NXPE3: variants seen among roughly 807,000 people sequenced by gnomAD.
NXPE3 encodes the protein neurexophilin and PC-esterase domain family member 3, also known as NXPE family member 3.
A neutral mutation model predicts 46.1 loss-of-function variants in NXPE3; 26 were observed. The observed-to-expected ratio is 0.56, with a 90% CI of 0.41 to 0.78. The LOEUF is 0.78. NXPE3 is among the 30% of genes least tolerant of loss of function. NXPE3 has a pLI of 0.00. For synonymous variants in NXPE3, 272 were observed against 257.9 expected (o/e 1.05, Z -0.52); for missense variants, 620 against 686.0 (o/e 0.90, Z 1.07).
At position 101,821,983 on chromosome 3, in the gene NXPE3, T is replaced by C; in HGVS notation, c.*29T>C. On this transcript the variant is annotated 3_prime_UTR_variant, in exon 8 of 8. Transcript: ENST00000273347. Reference sequence around the variant, plus strand: ...GTCTTGGAAGGGACTGGAGGAATCATATTCAATGACCTTCTCAATTGACCT... The same window carrying C: ...GTCTTGGAAGGGACTGGAGGAATCACATTCAATGACCTTCTCAATTGACCT... 1 of 1,591,224 alleles carries C rather than the reference T, an allele frequency of 6.3e-7. No homozygotes were observed. Among genetic ancestry groups the C allele is most frequent in the East Asian group, 2.2e-5 (1 of 44,540 alleles).
intron 6 of NXPE3, among the ~76,000 whole-genome samples, chr3:101,812,811 C>CAAAAAAAAAA (rs57029374): frequency 1.7e-5 from 1 of 58,716 alleles, no homozygotes; most frequent in Non-Finnish European, 3.0e-5. Context: ...GACTCCGTCT[C>CAAAAAAAAAA]AAAAAAAAAA....
intron 4 of NXPE3, among the ~76,000 whole-genome samples, chr3:101,793,627 CTTTTTTTTTTTTTTT>C: frequency 1.0e-4 from 2 of 19,408 alleles, no homozygotes; most frequent in Non-Finnish European, 1.9e-4. Context: ...TTGACAAGGT[CTTTTTTTTTTTTTTT>C]TTTTTTTTTT....
chr3:101,820,116 A>C (rs1272370322), intron 7 of NXPE3, among the ~76,000 whole-genome samples: 5 of 152,154 alleles, frequency 3.3e-5, no homozygotes. Context: ...ATATGTGCTC[A>C]TAAAACAGAA....
Position 101,801,743 on chromosome 3 carries a change from A to G in NXPE3, c.602A>G (p.Gln201Arg), listed in dbSNP as rs1406225807. The change falls in exon 5 of 8, where the codon CAG (glutamine) becomes CGG (arginine). Residue 201 changes from glutamine to arginine, a missense_variant. Transcript: ENST00000273347. The part of the protein sequence containing the change: ...SEGIRVLQRL[Q>R]EDKPDRVYFK... ...GGGATCAGAGTTCTTCAGCGCTTACAGGAAGATAAACCAGACAGGGTCTAT... is the reference window on the plus strand; with the variant it reads ...GGGATCAGAGTTCTTCAGCGCTTACGGGAAGATAAACCAGACAGGGTCTAT... The G allele has an allele frequency of 6.2e-7, 1 of 1,614,212 alleles. No homozygotes were observed. The highest frequency in any genetic ancestry group is 2.2e-5 in the East Asian group (1 of 44,884).
intron 7 of NXPE3, among the ~76,000 whole-genome samples, chr3:101,817,636 G>A (rs1188662540): frequency 6.6e-6 from 1 of 152,066 alleles, no homozygotes; most frequent in Non-Finnish European, 1.5e-5. Context: ...AAACCCCAGT[G>A]GTTGGAGGCC....
chr3:101,806,553 C>T (rs1160046167), intron 5 of NXPE3, among the ~76,000 whole-genome samples: 1 of 152,138 alleles, frequency 6.6e-6, no homozygotes, highest in African/African-American at 2.4e-5. Flanking sequence ...GTAAGGGGAA[C>T]AGACACTAAA....
At chr3:101,788,079 G>C (rs1461101267) in intron 4 of NXPE3, among the ~76,000 whole-genome samples, 2 of 152,074 alleles carry the variant, frequency 1.3e-5, no homozygotes, top group East Asian at 3.8e-4. Flanking sequence ...TTTTTTGATA[G>C]TAGCCTTCTT....
At chr3:101,810,918 C>G (rs1363874740) in intron 6 of NXPE3, among the ~76,000 whole-genome samples, 2 of 151,994 alleles carry the variant, frequency 1.3e-5, no homozygotes, top group Non-Finnish European at 2.9e-5. Context: ...AAACCTCTGC[C>G]TCCTGTGTTC....
Position 101,782,737 on chromosome 3 carries a change from A to G in NXPE3, c.-239A>G, listed in dbSNP as rs1001363940. 2 of 152,120 alleles carry G rather than the reference A, an allele frequency of 1.3e-5. No homozygotes were observed. Among genetic ancestry groups the G allele is most frequent in the Admixed American group, 1.3e-4 (2 of 15,258 alleles). The allele number at this position is 152,120 out of a possible 1,614,324, so 9.4% of individuals were successfully genotyped here. A position where few individuals can be genotyped will look rare whatever the true frequency, so the allele number is the denominator to read the frequency against. On this transcript the variant is annotated 5_prime_UTR_variant, in exon 3 of 8. Coordinates refer to ENST00000273347, the MANE Select transcript of NXPE3 (RefSeq NM_145037.4). ...ACTGCAGCCTCGACCTCCCAGGCTCAAGCAATTCTCCTACCTCAGCCTCCT... is the reference window on the plus strand; with the variant it reads ...ACTGCAGCCTCGACCTCCCAGGCTCGAGCAATTCTCCTACCTCAGCCTCCT...
chr3:101,809,846 C>T (rs889629557), intron 6 of NXPE3, among the ~76,000 whole-genome samples: 1 of 152,078 alleles, frequency 6.6e-6, no homozygotes, highest in African/African-American at 2.4e-5. Context: ...TGAGCACTTC[C>T]TTAGTTTCTG....
chr3:101,822,356 T>C lies in NXPE3; in HGVS notation c.*402T>C, dbSNP rs552681279. The C allele has an allele frequency of 3.1e-4, 53 of 169,892 alleles. No individual in the cohort carries two copies. Among genetic ancestry groups the C allele is most frequent in the Non-Finnish European group, 6.2e-4 (48 of 77,486 alleles). 10.5% of individuals were successfully genotyped at this position (169,892 alleles called of 1,614,324 possible). A position where few individuals can be genotyped will look rare whatever the true frequency, so the allele number is the denominator to read the frequency against. The stretch of plus-strand genomic sequence containing the variant: ...AGCTTATCTGGTAAAGGAAATTGAG[T>C]GCATCTGCATGCATAGCACAAGTAA... On this transcript the variant is annotated 3_prime_UTR_variant, in exon 8 of 8. Transcript: ENST00000273347.
chr3:101,814,457 T>G (rs372853255), intron 6 of NXPE3, among the ~76,000 whole-genome samples: 5 of 152,342 alleles, frequency 3.3e-5, no homozygotes, highest in African/African-American at 1.2e-4. Flanking sequence ...GCTCTGAACC[T>G]GCAAAGAATT....
At chr3:101,821,291 C>G (rs1456199383) in intron 7 of NXPE3, 113 bp from the exon 8 acceptor site, 5 of 786,056 alleles carry the variant, frequency 6.4e-6, no homozygotes, top group Non-Finnish European at 1.0e-5. Context: ...TATATTGTAC[C>G]TTTTTGTTGT....
In NXPE3 at chr3:101,785,488, G is replaced by A. The variant is rs1188547027; in HGVS notation, c.-109G>A. 2.5e-5 allele frequency: 23 copies of A among 921,602 alleles called. No individual in the cohort carries two copies. In the East Asian group the frequency reaches 4.3e-4, roughly 17 times the overall value. The allele number at this position is 921,602 out of a possible 1,614,324, so 57.1% of individuals were successfully genotyped here. A position where few individuals can be genotyped will look rare whatever the true frequency, so the allele number is the denominator to read the frequency against. On this transcript the variant is annotated 5_prime_UTR_variant, in exon 4 of 8. Coordinates refer to ENST00000273347, the MANE Select transcript of NXPE3 (RefSeq NM_145037.4). ...TCTTAAGGGTACTAGCAGGATAGAA[G>A]CAAATGAAACTGAAAGCTCATCTGC...
intron 7 of NXPE3, among the ~76,000 whole-genome samples, chr3:101,819,043 G>T (rs1277420372): frequency 6.6e-6 from 1 of 151,862 alleles, no homozygotes; most frequent in African/African-American, 2.4e-5. Context: ...GGGATTATGG[G>T]CATGAGCCAC....
At chr3:101,788,548 T>TA (rs921008851) in intron 4 of NXPE3, among the ~76,000 whole-genome samples, 2 of 152,206 alleles carry the variant, frequency 1.3e-5, no homozygotes, top group Non-Finnish European at 2.9e-5. Context: ...TGTTATCCTT[T>TA]AAAAAAATTG....
chr3:101,798,600 A>ATT (rs1454340463), intron 4 of NXPE3, among the ~76,000 whole-genome samples: 2 of 127,336 alleles, frequency 1.6e-5, no homozygotes, highest in African/African-American at 5.9e-5. Flanking sequence ...ATATATATAT[A>ATT]TATTTTTTTT....
chr3:101,816,667 G>C lies in NXPE3; in HGVS notation c.923-128G>C. On this transcript the variant is annotated intron_variant, in intron 6 of 7. Transcript: ENST00000273347. ...GAGAAAAGTCTGGGATTTGAGGTCT[G>C]ACAGCAGGAAATGTTTCCCACATGC... 3 of 723,982 alleles carry C rather than the reference G, an allele frequency of 4.1e-6. No homozygotes were observed. The East Asian group carries it at 8.2e-5, about 20-fold the overall frequency. 44.8% of individuals were successfully genotyped at this position (723,982 alleles called of 1,614,324 possible).
In NXPE3 at chr3:101,807,086, T is replaced by C; in HGVS notation, c.882T>C (p.Ser294=). The part of the protein sequence containing the change: ...GVNIKMPVNS[S]GPDWVTVIPR... ...ATATCAAAATGCCAGTCAACTCCAG[T>C]GGACCTGATTGGGTAACTGTGATTC... The change falls in exon 6 of 8, where the codon AGT becomes AGC. Residue 294 remains serine (S), a synonymous_variant. Transcript: ENST00000273347. 6.2e-7 allele frequency: 1 copy of C among 1,613,518 alleles called. No individual in the cohort carries two copies. The highest frequency in any genetic ancestry group is 8.5e-7 in the Non-Finnish European group (1 of 1,179,490).
Sources: allele counts gnomAD v4.1 joint callset (sites outside exome capture counted in the v4.1 genomes callset), GRCh38; gene constraint gnomAD v4.1.1; transcripts MANE v1.5; gene names NCBI Gene and HGNC (gene_info 2026-07-23, HGNC 2026-07-21).